Variants in IMPG1 observed in about 807,000 individuals in gnomAD.
IMPG1 encodes interphotoreceptor matrix proteoglycan of 150 kDa.
A neutral mutation model predicts 92.0 loss-of-function variants in IMPG1; 85 were observed. That is an observed-to-expected ratio of 0.92 (90% CI 0.78 to 1.11). IMPG1 has a LOEUF of 1.11. IMPG1 is among the 50% of genes least tolerant of loss of function. IMPG1 has a pLI of 0.00. For missense variants in IMPG1, 1,022 were observed against 956.0 expected, an observed-to-expected ratio of 1.07 and a Z score of -0.91; for synonymous variants, 367 against 334.1, an observed-to-expected ratio of 1.10 and a Z score of -1.08.
chr6:75,996,964 A>G (rs903968810), intron 12 of IMPG1, among the ~76,000 whole-genome samples: 7 of 152,154 alleles, frequency 4.6e-5, no homozygotes, highest in Non-Finnish European at 8.8e-5. Context: ...AGTCAGAAAA[A>G]TTTTCTTGGG....
chr6:76,010,902 C>G lies in IMPG1; in HGVS notation c.866+264G>C, dbSNP rs888768846. 2.6e-5 allele frequency among the ~76,000 whole-genome samples: 4 copies of G among 152,208 alleles called. 1 individual carries two copies. The highest frequency in any genetic ancestry group is 9.6e-5 in the African/African-American group (4 of 41,454). On this transcript the variant is annotated intron_variant, in intron 8 of 16. Coordinates refer to ENST00000369950, the MANE Select transcript of IMPG1 (RefSeq NM_001563.4). ...TCATTCATAACCACATGACCAAAGA[C>G]AGCAGATGAGCTCTCTATAGAGAGC... is the stretch of plus-strand genomic sequence containing the variant.
At position 76,040,507 on chromosome 6, in the gene IMPG1, C is replaced by A. The variant is rs185351099; in HGVS notation, c.301+1386G>T. ...TAATTTACTCATGTCACTGTCTTTTCTCTATTTTCCCAATGGGCTCTTTGC... is the reference window on the plus strand; with the variant it reads ...TAATTTACTCATGTCACTGTCTTTTATCTATTTTCCCAATGGGCTCTTTGC... On this transcript the variant is annotated intron_variant, in intron 2 of 16. Coordinates refer to ENST00000369950, the MANE Select transcript of IMPG1 (RefSeq NM_001563.4). 5.3e-5 allele frequency among the ~76,000 whole-genome samples: 8 copies of A among 152,316 alleles called. 1 individual carries two copies. The highest frequency in any genetic ancestry group is 5.2e-4 in the Admixed American group (8 of 15,298).
chr6:75,994,280 G>T lies in IMPG1; in HGVS notation c.1291+8638C>A, dbSNP rs149929038. ...ATGCATAGCTGCCTCTAGCTCAATA[G>T]ATTTAAAGTAATCTGGGTGACAGTT... is the stretch of plus-strand genomic sequence containing the variant. On this transcript the variant is annotated intron_variant, in intron 12 of 16. Coordinates refer to ENST00000369950, the MANE Select transcript of IMPG1 (RefSeq NM_001563.4). 2.8e-3 allele frequency among the ~76,000 whole-genome samples: 434 copies of T among 152,316 alleles called. 3 individuals carry two copies. The highest frequency in any genetic ancestry group is 0.01 in the Middle Eastern group (3 of 294).
chr6:76,069,346 A>T (rs1301895180), intron 1 of IMPG1, among the ~76,000 whole-genome samples: 1 of 152,212 alleles, frequency 6.6e-6, no homozygotes, highest in Non-Finnish European at 1.5e-5. Flanking sequence ...CTCAAAAGCA[A>T]ATGTAACAAA....
chr6:76,035,326 C>G (rs2149488304), intron 2 of IMPG1, among the ~76,000 whole-genome samples: 1 of 151,978 alleles, frequency 6.6e-6, no homozygotes, highest in African/African-American at 2.4e-5. Flanking sequence ...ATGGAGAAAG[C>G]TCGTCTCTAC....
chr6:76,032,256 A>G (rs1347946622), intron 4 of IMPG1, among the ~76,000 whole-genome samples: 1 of 151,944 alleles, frequency 6.6e-6, no homozygotes, highest in African/African-American at 2.4e-5. Flanking sequence ...AAGGTTTGGT[A>G]CATTCTGTTG....
chr6:76,005,035 G>A (rs1487276728), intron 10 of IMPG1, among the ~76,000 whole-genome samples: 1 of 152,196 alleles, frequency 6.6e-6, no homozygotes, highest in Admixed American at 6.5e-5. Flanking sequence ...GTTCTCCGCA[G>A]TTGACTTGGA....
chr6:75,942,302 TG>T (rs984880571), intron 14 of IMPG1, among the ~76,000 whole-genome samples: 1 of 152,246 alleles, frequency 6.6e-6, no homozygotes, highest in African/African-American at 2.4e-5. Context: ...CTCAGCAGAT[TG>T]GATCATCATC....
chr6:76,005,569 GC>G (rs763554875), intron 9 of IMPG1, 35 bp from the exon 10 acceptor site: 1 of 1,604,390 alleles, frequency 6.2e-7, no homozygotes, highest in African/African-American at 1.3e-5. Context: ...CCCACCCAAA[GC>G]CATTGTTACA....
At chr6:76,018,623 A>G in intron 7 of IMPG1, 95 bp downstream of exon 7, 2 of 1,099,094 alleles carry the variant, frequency 1.8e-6, no homozygotes, top group Non-Finnish European at 2.5e-6. Flanking sequence ...ATGCCAGGAG[A>G]AGCTGGAACT....
rs1783081025 is a variant in IMPG1, at chr6:76,005,514, T to A, written c.908A>T (p.Gln303Leu). The A allele has an allele frequency of 6.2e-7, 1 of 1,613,850 alleles. No individual in the cohort carries two copies. Among genetic ancestry groups the A allele is most frequent in the South Asian group, 1.1e-5 (1 of 91,086 alleles). The change falls in exon 10 of 17, where the codon CAA (glutamine) becomes CTA (leucine). Residue 303 changes from glutamine (Q) to leucine (L), a missense_variant. By Grantham distance (113) the Gln-to-Leu change is moderately radical (BLOSUM62 -2). Transcript: ENST00000369950. ...GTGTCTCTTAAAGATGGCCGTAAGTTGCATCTCTGTGGAGCTTGAGCTGTA... is the reference window on the plus strand; with the variant it reads ...GTGTCTCTTAAAGATGGCCGTAAGTAGCATCTCTGTGGAGCTTGAGCTGTA... ...EKDGSSSTEM[Q>L]LTAIFKRHSA... is the part of the protein sequence containing the mutation.
At chr6:76,011,100 T>C in intron 8 of IMPG1, 66 bp downstream of exon 8, 1 of 887,704 alleles carries the variant, frequency 1.1e-6, no homozygotes, top group Admixed American at 2.0e-5. Context: ...CTTATGGCAT[T>C]GTTTTTACAA....
intron 8 of IMPG1, among the ~76,000 whole-genome samples, chr6:76,009,680 C>T (rs1435713678): frequency 6.6e-6 from 1 of 152,140 alleles, no homozygotes; most frequent in Non-Finnish European, 1.5e-5. Flanking sequence ...AATAATAAAT[C>T]CTTACAAAGA....
intron 14 of IMPG1, among the ~76,000 whole-genome samples, chr6:75,946,617 T>A (rs1582059026): frequency 6.6e-6 from 1 of 152,346 alleles, no homozygotes; most frequent in African/African-American, 2.4e-5. Flanking sequence ...GTGCACACTC[T>A]TTGCTTTATT....
In IMPG1 at chr6:76,066,413, T is replaced by C. The variant is rs569128414; in HGVS notation, c.67+6009A>G. ...AACCAAAAGTGGGAAGGAGTAGCTA[T>C]AGTTACACAAAATAAAACAGACACT... On this transcript the variant is annotated intron_variant, in intron 1 of 16. Transcript: ENST00000369950. 5.3e-5 allele frequency among the ~76,000 whole-genome samples: 8 copies of C among 152,170 alleles called. No individual in the cohort carries two copies. The South Asian group carries it at 1.5e-3, about 28-fold the overall frequency.
intron 12 of IMPG1, among the ~76,000 whole-genome samples, chr6:75,982,565 A>C (rs200154729): frequency 1.5e-3 from 117 of 78,778 alleles, no homozygotes; most frequent in Admixed American, 2.6e-3. Flanking sequence ...ATCTATCTAT[A>C]TATCTATATA....
At chr6:75,940,970 T>G (rs532710212) in intron 14 of IMPG1, among the ~76,000 whole-genome samples, 61 of 152,222 alleles carry the variant, frequency 4.0e-4, no homozygotes, top group Non-Finnish European at 7.2e-4. Context: ...TCCCTTCACC[T>G]CTGTAGAATT....
intron 14 of IMPG1, chr6:75,934,891 C>T: frequency 2.2e-6 from 1 of 464,810 alleles, no homozygotes; most frequent in South Asian, 1.6e-5. Flanking sequence ...ATCATATCAT[C>T]TCCTGCTTTT....
At chr6:76,067,900 T>C (rs1356258125) in intron 1 of IMPG1, among the ~76,000 whole-genome samples, 2 of 152,154 alleles carry the variant, frequency 1.3e-5, no homozygotes, top group Non-Finnish European at 2.9e-5. Flanking sequence ...AATCAATAAA[T>C]GTGATTCACA....
Sources: gnomAD v4.1 joint callset for allele counts (sites outside exome capture counted in the v4.1 genomes callset) on GRCh38, gnomAD v4.1.1 for gene constraint, MANE v1.5 for transcripts, NCBI Gene and HGNC (gene_info 2026-07-23, HGNC 2026-07-21) for gene names.